The following ABCC4 variants were observed in gnomAD, a reference collection of about 807,000 sequenced individuals.
The protein encoded by ABCC4 is ATP binding cassette subfamily C member 4 (PEL blood group).
A neutral mutation model predicts 168.5 loss-of-function variants in ABCC4; 102 were observed. That is an observed-to-expected ratio of 0.61 (90% CI 0.52 to 0.71). The LOEUF is 0.71. Among genes scored for constraint, ABCC4 ranks in the 30% least tolerant of loss-of-function variants. ABCC4 has a pLI of 0.00. For missense variants in ABCC4, 1,402 were observed against 1,605.8 expected (o/e 0.87, Z 2.17); for synonymous variants, 617 against 590.7 (o/e 1.04, Z -0.65).
chr13:95,059,350 G>T (rs978512206), intron 26 of ABCC4, among the ~76,000 whole-genome samples: 1 of 152,238 alleles, frequency 6.6e-6, no homozygotes, highest in Non-Finnish European at 1.5e-5. Context: ...AGATAACCAT[G>T]TTAAGGATTC....
intron 27 of ABCC4, among the ~76,000 whole-genome samples, chr13:95,049,825 C>T (rs1009928034): frequency 5.9e-5 from 9 of 152,080 alleles, no homozygotes; most frequent in African/African-American, 1.9e-4. Flanking sequence ...GGCATCTTTC[C>T]TTTTTATGTG....
chr13:95,031,368 G>A (rs1448330554), intron 30 of ABCC4, among the ~76,000 whole-genome samples: 1 of 152,178 alleles, frequency 6.6e-6, no homozygotes, highest in Non-Finnish European at 1.5e-5. Flanking sequence ...GAGACAAGGA[G>A]CAGCGTTTTC....
rs903973188 is a variant in ABCC4, at chr13:95,048,400, A to G, written c.3457-3962T>C. Among the ~76,000 whole-genome samples the G allele has an allele frequency of 4.8e-4, 73 of 151,828 alleles. 1 individual carries two copies. Among genetic ancestry groups the G allele is most frequent in the African/African-American group, 1.8e-3 (73 of 41,180 alleles). On this transcript the variant is annotated intron_variant, in intron 27 of 30. Transcript: ENST00000645237. ...TCATCATAAATGTTTTCAAAGCCTC[A>G]AAGAGACTCATGTGGATGTCAGATT...
At chr13:95,099,437 T>C (rs1355018741) in intron 20 of ABCC4, among the ~76,000 whole-genome samples, 1 of 152,130 alleles carries the variant, frequency 6.6e-6, no homozygotes, top group Non-Finnish European at 1.5e-5. Flanking sequence ...TGTACACAAT[T>C]AGTAAAATTC....
intron 4 of ABCC4, among the ~76,000 whole-genome samples, chr13:95,211,547 C>A (rs1208960094): frequency 6.6e-6 from 1 of 152,074 alleles, no homozygotes; most frequent in East Asian, 1.9e-4. Flanking sequence ...TAAAGAACAC[C>A]CCAAACCTGG....
rs1169232653 is a variant in ABCC4, at chr13:95,143,912, C to T, written c.2455+17277G>A. ...TGTGGGACTAACTCATTTTCAAATG[C>T]TAAATCCTTCTGAAAATTGATAAAA... On this transcript the variant is annotated intron_variant, in intron 19 of 30. Transcript: ENST00000645237. Among the ~76,000 whole-genome samples the T allele has an allele frequency of 4.6e-5, 7 of 152,262 alleles. No homozygotes were observed. The East Asian group carries it at 1.2e-3, about 25-fold the overall frequency.
At chr13:95,272,690 C>T (rs1419680076) in intron 1 of ABCC4, among the ~76,000 whole-genome samples, 1 of 152,008 alleles carries the variant, frequency 6.6e-6, no homozygotes, top group East Asian at 1.9e-4. Context: ...GAGTTTGAGA[C>T]CAGCCTGGCC....
At chr13:95,218,927 G>GAGAA (rs71111597) in intron 4 of ABCC4, among the ~76,000 whole-genome samples, 3,233 of 42,292 alleles carry the variant, frequency 0.076, 124 homozygotes, top group East Asian at 0.13. Context: ...GAGAAAGAAA[G>GAGAA]AGAAAGAAAG....
intron 1 of ABCC4, among the ~76,000 whole-genome samples, chr13:95,299,410 C>T (rs1175784978): frequency 6.6e-6 from 1 of 152,120 alleles, no homozygotes; most frequent in African/African-American, 2.4e-5. Context: ...CGCCAAACAA[C>T]CAAGAGAAGT....
chr13:95,257,908 AAT>A (rs957532025), intron 1 of ABCC4, among the ~76,000 whole-genome samples: 75 of 152,284 alleles, frequency 4.9e-4, no homozygotes, highest in African/African-American at 1.7e-3. Context: ...CTGGGAAATA[AAT>A]ATGAGTGTCT....
At position 95,206,661 on chromosome 13, in the gene ABCC4, A is replaced by G; in HGVS notation, c.1032T>C (p.Ser344=). Reference sequence around the variant, plus strand: ...CGAACACGCGGCTGGCTGTGATCACACTGCCGAGGAGCACGTAGGTGGTGA... The same window carrying G: ...CGAACACGCGGCTGGCTGTGATCACGCTGCCGAGGAGCACGTAGGTGGTGA... ...VTFTTYVLLG[S]VITASRVFVA... Residue 344 remains serine (S), a synonymous_variant, in exon 8 of 31, where the codon AGT becomes AGC. Coordinates refer to ENST00000645237, the MANE Select transcript of ABCC4 (RefSeq NM_005845.5). 5 of 1,614,122 alleles carry G rather than the reference A, an allele frequency of 3.1e-6. No homozygotes were observed. The highest frequency in any genetic ancestry group is 4.2e-6 in the Non-Finnish European group (5 of 1,180,030).
At chr13:95,149,238 G>A (rs2036596750) in intron 19 of ABCC4, among the ~76,000 whole-genome samples, 1 of 152,174 alleles carries the variant, frequency 6.6e-6, no homozygotes, top group Non-Finnish European at 1.5e-5. Flanking sequence ...ATCCTGAAAT[G>A]TATGTGTTGA....
chr13:95,281,321 A>T (rs1427561536), intron 1 of ABCC4, among the ~76,000 whole-genome samples: 2 of 151,436 alleles, frequency 1.3e-5, no homozygotes, highest in African/African-American at 4.8e-5. Flanking sequence ...AAAAAAAAAA[A>T]AAAGAGAGAG....
rs745315822 is a variant in ABCC4 at position 95,071,715 on chromosome 13, C to T, written c.3157G>A (p.Gly1053Ser). The T allele has an allele frequency of 2.5e-6, 4 of 1,581,166 alleles. No homozygotes were observed. Reference sequence around the variant, plus strand: ...AGATGCTTCAGTACCAGAGGCCCACCTGGACTGTACATGAAGTTCACATTG... The same window carrying T: ...AGATGCTTCAGTACCAGAGGCCCACTTGGACTGTACATGAAGTTCACATTG... The part of the protein sequence containing the change: ...FDNVNFMYSP[G>S]GPLVLKHLTA... The change falls in exon 25 of 31, where the codon GGT (glycine) becomes AGT (serine). Residue 1053 changes from glycine (G) to serine (S), a missense_variant. Transcript: ENST00000645237.
At chr13:95,163,774 GT>G in intron 16 of ABCC4, 127 bp from the exon 17 acceptor site, 6 of 747,596 alleles carry the variant, frequency 8.0e-6, no homozygotes, top group Non-Finnish European at 1.4e-5. Flanking sequence ...GCTCATGCTT[GT>G]AAACCCCAGC....
chr13:95,100,333 T>C (rs545482937), intron 20 of ABCC4, among the ~76,000 whole-genome samples: 126 of 152,294 alleles, frequency 8.3e-4, no homozygotes, highest in Admixed American at 2.7e-3. Flanking sequence ...ACACACATGC[T>C]GGGAAAAATT....
Position 95,156,830 on chromosome 13 carries a change from C to T in ABCC4, c.2455+4359G>A, listed in dbSNP as rs146234537. ...GCTCTTGGCAGGGCGCGGTAGCTCACGCCTGTAATCCCAGCACTTTAGGAG... is the reference window on the plus strand; with the variant it reads ...GCTCTTGGCAGGGCGCGGTAGCTCATGCCTGTAATCCCAGCACTTTAGGAG... On this transcript the variant is annotated intron_variant, in intron 19 of 30. Coordinates refer to ENST00000645237, the MANE Select transcript of ABCC4 (RefSeq NM_005845.5). Among the ~76,000 whole-genome samples, 133 of 152,188 alleles carry T rather than the reference C, an allele frequency of 8.7e-4. No homozygotes were observed. The East Asian group carries it at 0.013, about 15-fold the overall frequency.
Position 95,209,416 on chromosome 13 carries a change from C to T in ABCC4, c.785+18G>A. ...TACCAAATACATATGACATTTTTCA[C>T]AGCAGTATTTCTCTTACCTCAGTGA... On this transcript the variant is annotated intron_variant, in intron 6 of 30. Transcript: ENST00000645237. The T allele has an allele frequency of 6.2e-7, 1 of 1,610,902 alleles. No individual in the cohort carries two copies. The highest frequency in any genetic ancestry group is 1.1e-5 in the South Asian group (1 of 90,590).
chr13:95,101,489 C>A lies in ABCC4; in HGVS notation c.2535+14433G>T, dbSNP rs531428635. ...CACTCGGAGCACTCCCAAATTTAAA[C>A]AGAAAAAATTAAAATGCCTAAATCC... On this transcript the variant is annotated intron_variant, in intron 20 of 30. Transcript: ENST00000645237. Among the ~76,000 whole-genome samples the A allele has an allele frequency of 1.7e-3, 263 of 152,120 alleles. 1 individual carries two copies. The highest frequency in any genetic ancestry group is 6.0e-3 in the African/African-American group (248 of 41,514).
Sources: gnomAD v4.1 joint callset for allele counts (sites outside exome capture counted in the v4.1 genomes callset) on GRCh38, gnomAD v4.1.1 for gene constraint, MANE v1.5 for transcripts, NCBI Gene and HGNC (gene_info 2026-07-23, HGNC 2026-07-21) for gene names.